LRBA: variants seen among roughly 807,000 people sequenced by gnomAD.
LRBA encodes LPS responsive beige-like anchor protein.
LRBA carries 176 observed loss-of-function variants against 330.0 expected under a neutral mutation model. That is an observed-to-expected ratio of 0.53 (90% CI 0.47 to 0.60). The LOEUF (loss-of-function observed/expected upper bound fraction) is 0.60, where lower values mean the gene tolerates loss of function less well. LRBA is among the 20% of genes least tolerant of loss of function. The pLI is 0.00. For synonymous variants in LRBA, 1,230 were observed against 1,193.0 expected (o/e 1.03, Z -0.64); for missense variants, 3,259 against 3,444.8 (o/e 0.95, Z 1.35).
intron 12 of LRBA, 34 bp from the exon 13 acceptor site, chr4:150,906,024 T>C: frequency 6.3e-7 from 1 of 1,598,158 alleles, no homozygotes; most frequent in South Asian, 1.1e-5. Flanking sequence ...TTACCACAAA[T>C]TCAAGTCAAA....
chr4:150,652,473 C>T (rs1581929510), intron 37 of LRBA, among the ~76,000 whole-genome samples: 1 of 152,002 alleles, frequency 6.6e-6, no homozygotes, highest in East Asian at 1.9e-4. Context: ...TTCCCCCTTT[C>T]CTTTTGTTTC....
intron 44 of LRBA, among the ~76,000 whole-genome samples, chr4:150,451,188 A>G (rs573614309): frequency 9.8e-5 from 15 of 152,326 alleles, no homozygotes; most frequent in African/African-American, 3.6e-4. Flanking sequence ...AGACATGAGC[A>G]ACGACATCTT....
chr4:150,369,519 A>C (rs1225952538), intron 47 of LRBA, among the ~76,000 whole-genome samples: 1 of 152,160 alleles, frequency 6.6e-6, no homozygotes, highest in African/African-American at 2.4e-5. Flanking sequence ...GAACACATAC[A>C]AACATATGAT....
intron 2 of LRBA, among the ~76,000 whole-genome samples, chr4:150,991,399 T>C (rs1742068397): frequency 6.6e-6 from 1 of 152,074 alleles, no homozygotes; most frequent in Non-Finnish European, 1.5e-5. Context: ...TAGGCAAAGG[T>C]TTGGGGCAAC....
At chr4:150,372,890 C>T (rs1313895306) in intron 47 of LRBA, among the ~76,000 whole-genome samples, 1 of 151,040 alleles carries the variant, frequency 6.6e-6, no homozygotes, top group Admixed American at 6.6e-5. Flanking sequence ...AGTGGGAGTT[C>T]GAAGACTAGT....
At chr4:150,386,673 G>C (rs1227108811) in intron 47 of LRBA, among the ~76,000 whole-genome samples, 1 of 152,058 alleles carries the variant, frequency 6.6e-6, no homozygotes, top group Non-Finnish European at 1.5e-5. Context: ...ATCAGTGATG[G>C]GCATTTAGGT....
chr4:150,462,392 GATCTTCTCA>G (rs2152051977), intron 44 of LRBA, among the ~76,000 whole-genome samples: 1 of 151,746 alleles, frequency 6.6e-6, no homozygotes, highest in Non-Finnish European at 1.5e-5. Context: ...AAATAGATTT[GATCTTCTCA>G]ATGTACTTAT....
At chr4:150,915,873 T>C (rs1013529360) in intron 7 of LRBA, 146 bp from the exon 8 acceptor site, 5 of 525,006 alleles carry the variant, frequency 9.5e-6, no homozygotes, top group Non-Finnish European at 1.5e-5. Context: ...ATATTTACTT[T>C]CTGGAACAAT....
chr4:150,766,449 T>C (rs1735776288), intron 34 of LRBA, among the ~76,000 whole-genome samples: 1 of 152,076 alleles, frequency 6.6e-6, no homozygotes, highest in African/African-American at 2.4e-5. Context: ...AGCCAACAAG[T>C]TTTCTCCATA....
At chr4:150,391,429 A>G (rs557523391) in intron 47 of LRBA, among the ~76,000 whole-genome samples, 19 of 152,326 alleles carry the variant, frequency 1.2e-4, no homozygotes, top group African/African-American at 4.3e-4. Flanking sequence ...GGAGAAACAG[A>G]GTATGTGGGC....
chr4:150,471,758 A>G lies in LRBA; in HGVS notation c.6552-19T>C. The G allele has an allele frequency of 9.7e-7, 1 of 1,027,320 alleles. No homozygotes were observed. Among genetic ancestry groups the G allele is most frequent in the Non-Finnish European group, 1.5e-6 (1 of 657,052 alleles). 63.6% of individuals were successfully genotyped at this position (1,027,320 alleles called of 1,614,324 possible). A position where few individuals can be genotyped will look rare whatever the true frequency, so the allele number is the denominator to read the frequency against. On this transcript the variant is annotated intron_variant, in intron 42 of 56. Transcript: ENST00000651943. ...AATACGTCTGCAAGAAAAAGAATTC[A>G]ATGTGATATGATTAATTATATCACA...
intron 22 of LRBA, among the ~76,000 whole-genome samples, chr4:150,855,228 A>C (rs966254042): frequency 6.6e-6 from 1 of 152,274 alleles, no homozygotes; most frequent in East Asian, 1.9e-4. Flanking sequence ...GCACCACTGC[A>C]CTCCACCCTG....
intron 2 of LRBA, among the ~76,000 whole-genome samples, chr4:150,971,027 C>G (rs1199533322): frequency 6.6e-6 from 1 of 152,106 alleles, no homozygotes; most frequent in Non-Finnish European, 1.5e-5. Flanking sequence ...AAAAGTCTAC[C>G]TGATTCCATG....
chr4:150,386,537 A>G (rs146169391), intron 47 of LRBA, among the ~76,000 whole-genome samples: 65 of 150,234 alleles, frequency 4.3e-4, no homozygotes, highest in African/African-American at 1.4e-3. Context: ...CTCTTCCTGC[A>G]TTAGTTTGCT....
intron 37 of LRBA, among the ~76,000 whole-genome samples, chr4:150,603,798 C>G (rs1029556420): frequency 6.6e-6 from 1 of 152,142 alleles, no homozygotes; most frequent in Non-Finnish European, 1.5e-5. Context: ...CTGAGCTTGG[C>G]TGGCAATGCC....
At chr4:150,486,497 A>G (rs766531838) in intron 42 of LRBA, among the ~76,000 whole-genome samples, 3 of 151,914 alleles carry the variant, frequency 2.0e-5, no homozygotes, top group Non-Finnish European at 4.4e-5. Flanking sequence ...ATGGAAATAA[A>G]GCAAATCTTC....
intron 48 of LRBA, among the ~76,000 whole-genome samples, chr4:150,326,837 C>T (rs1733338657): frequency 6.6e-6 from 1 of 152,120 alleles, no homozygotes; most frequent in Non-Finnish European, 1.5e-5. Flanking sequence ...CCGTAACAGT[C>T]AGTATGCTTA....
At chr4:150,331,439 A>G (rs1380057322) in intron 48 of LRBA, among the ~76,000 whole-genome samples, 1 of 152,116 alleles carries the variant, frequency 6.6e-6, no homozygotes, top group Non-Finnish European at 1.5e-5. Context: ...TTAGACATTC[A>G]GTTATGTAAC....
intron 37 of LRBA, among the ~76,000 whole-genome samples, chr4:150,639,719 T>C (rs1778328767): frequency 8.1e-6 from 1 of 123,362 alleles, no homozygotes; most frequent in Non-Finnish European, 1.7e-5. Context: ...TAGAAGATAA[T>C]CTGAGCCTAT....
Sources: allele counts gnomAD v4.1 joint callset (sites outside exome capture counted in the v4.1 genomes callset), GRCh38; gene constraint gnomAD v4.1.1; transcripts MANE v1.5; gene names NCBI Gene and HGNC (gene_info 2026-07-23, HGNC 2026-07-21).